KCTD1: variants seen among roughly 807,000 people sequenced by gnomAD.
The protein encoded by KCTD1 is potassium channel tetramerization domain containing 1, also known as BTB/POZ domain-containing protein KCTD1.
In KCTD1, 24 loss-of-function variants were observed where a neutral mutation model predicts 66.0. The ratio of observed to expected loss-of-function variants is 0.36; its 90% CI spans 0.26 to 0.51. KCTD1 has a LOEUF of 0.51. Among genes scored for constraint, KCTD1 ranks in the 20% least tolerant of loss-of-function variants. The pLI, the probability that KCTD1 is intolerant of heterozygous loss-of-function variation, is 0.95. For synonymous variants in KCTD1, 511 were observed against 517.2 expected, an observed-to-expected ratio of 0.99 and a Z score of 0.16; for missense variants, 943 against 1,205.2, an observed-to-expected ratio of 0.78 and a Z score of 3.22.
intron 1 of KCTD1, chr18:26,567,063 G>A (rs1598944679): frequency 6.6e-6 from 1 of 152,094 alleles, no homozygotes; most frequent in East Asian, 1.9e-4. Flanking sequence ...AAAGAAAAGG[G>A]AGTAACTCTG....
intron 1 of KCTD1, among the ~76,000 whole-genome samples, chr18:26,594,876 C>G (rs1986731132): frequency 6.6e-6 from 1 of 152,138 alleles, no homozygotes; most frequent in African/African-American, 2.4e-5. Context: ...GCTGCAACAT[C>G]AACAACTTCC....
At chr18:26,622,784 A>G (rs932347654) in intron 1 of KCTD1, among the ~76,000 whole-genome samples, 1 of 152,058 alleles carries the variant, frequency 6.6e-6, no homozygotes, top group Non-Finnish European at 1.5e-5. Context: ...GCGGAAGTGC[A>G]TACAGAGGCT....
intron 1 of KCTD1, among the ~76,000 whole-genome samples, chr18:26,624,762 G>A (rs1007405197): frequency 2.0e-5 from 3 of 152,196 alleles, no homozygotes; most frequent in Non-Finnish European, 4.4e-5. Flanking sequence ...GTGAGAAGAG[G>A]ACCACCATCC....
At chr18:26,487,009 G>A (rs990268054) in intron 2 of KCTD1, among the ~76,000 whole-genome samples, 1 of 152,090 alleles carries the variant, frequency 6.6e-6, no homozygotes, top group African/African-American at 2.4e-5. Flanking sequence ...ATACATTTTG[G>A]ACACCTAACA....
At chr18:26,629,653 G>C (rs1987574731), upstream of KCTD1, among the ~76,000 whole-genome samples, 1 of 151,994 alleles carries the variant, frequency 6.6e-6, no homozygotes, top group East Asian at 1.9e-4. Context: ...AGTGTTGTGA[G>C]ATCAGCATTC....
intron 1 of KCTD1, among the ~76,000 whole-genome samples, chr18:26,651,801 A>G (rs1268205157): frequency 3.7e-5 from 2 of 54,352 alleles, no homozygotes; most frequent in East Asian, 9.7e-4. Context: ...AAAAAAAAAA[A>G]GAAGAAGAAG....
At chr18:26,603,756 AAATAAAT>A (rs1428224342) in intron 1 of KCTD1, among the ~76,000 whole-genome samples, 2 of 60,022 alleles carry the variant, frequency 3.3e-5, no homozygotes, top group Non-Finnish European at 4.6e-5. Flanking sequence ...AAAATAAAAT[AAATAAAT>A]AAATAAATAA....
intron 1 of KCTD1, among the ~76,000 whole-genome samples, chr18:26,568,404 T>C (rs1567996437): frequency 6.6e-6 from 1 of 151,632 alleles, no homozygotes; most frequent in Non-Finnish European, 1.5e-5. Context: ...ACCCAGCTAA[T>C]ATTTGTATTT....
chr18:26,471,749 C>A (rs1026572398), intron 3 of KCTD1, among the ~76,000 whole-genome samples: 4 of 152,140 alleles, frequency 2.6e-5, no homozygotes, highest in Admixed American at 6.5e-5. Context: ...TTATGTCTTA[C>A]AACTGTATGC....
intron 1 of KCTD1, among the ~76,000 whole-genome samples, chr18:26,553,640 C>T (rs1027667562): frequency 6.6e-6 from 1 of 152,094 alleles, no homozygotes; most frequent in Admixed American, 6.5e-5. Flanking sequence ...CATTTTATTA[C>T]CTGGGTGATA....
Position 26,464,074 on chromosome 18 carries a change from T to C in KCTD1, c.2134-4149A>G, listed in dbSNP as rs139029487. Among the ~76,000 whole-genome samples, 607 of 152,310 alleles carry C rather than the reference T, an allele frequency of 4.0e-3. 8 individuals carry two copies. The highest frequency in any genetic ancestry group is 0.014 in the African/African-American group (573 of 41,560). On this transcript the variant is annotated intron_variant, in intron 3 of 4. Transcript: ENST00000580059. ...CCCTAGAGGGAGGAAAACGATATAT[T>C]CAGTGTATTAGGTTCCTACTGCTGC...
chr18:26,586,980 A>T (rs1986487599), intron 1 of KCTD1, among the ~76,000 whole-genome samples: 1 of 152,244 alleles, frequency 6.6e-6, no homozygotes, highest in Non-Finnish European at 1.5e-5. Context: ...GTTATCCAGA[A>T]GATCTAGCTA....
At chr18:26,652,106 C>T (rs2145081559) in intron 1 of KCTD1, among the ~76,000 whole-genome samples, 1 of 152,254 alleles carries the variant, frequency 6.6e-6, no homozygotes, top group Middle Eastern at 3.4e-3. Context: ...GGGACTGAGA[C>T]AGCAGGGGCC....
At chr18:26,532,121 C>A (rs1169433626) in intron 1 of KCTD1, among the ~76,000 whole-genome samples, 1 of 152,040 alleles carries the variant, frequency 6.6e-6, no homozygotes, top group African/African-American at 2.4e-5. Flanking sequence ...CTGAATAAGG[C>A]AGGATGTAAT....
At chr18:26,528,181 C>T (rs1188762201) in intron 1 of KCTD1, among the ~76,000 whole-genome samples, 3 of 152,138 alleles carry the variant, frequency 2.0e-5, no homozygotes. Flanking sequence ...ACTTGATCCT[C>T]AGCTTTTGTC....
chr18:26,625,689 C>T (rs1163087075), intron 1 of KCTD1, among the ~76,000 whole-genome samples: 2 of 152,166 alleles, frequency 1.3e-5, no homozygotes, highest in Non-Finnish European at 2.9e-5. Context: ...GTTGTAATGT[C>T]CTATAACATT....
In KCTD1 at chr18:26,653,886, C is replaced by T. The variant is rs138785143; in HGVS notation, c.9+3474G>A. On this transcript the variant is annotated intron_variant, in intron 1 of 4. Coordinates refer to the KCTD1 transcript ENST00000580191. ...TTTCACTTTTATTCCCAAGATAGTT[C>T]GTCCTAAAGATGGAGCAAATAAATG... Among the ~76,000 whole-genome samples, 996 of 152,232 alleles carry T rather than the reference C, an allele frequency of 6.5e-3. 11 individuals are homozygous for T. The highest frequency in any genetic ancestry group is 0.023 in the African/African-American group (952 of 41,534).
At chr18:26,595,543 G>T (rs1598958598) in intron 1 of KCTD1, among the ~76,000 whole-genome samples, 1 of 152,162 alleles carries the variant, frequency 6.6e-6, no homozygotes, top group East Asian at 1.9e-4. Flanking sequence ...TGGCAGAATG[G>T]AGGGGCTAGA....
intron 3 of KCTD1, among the ~76,000 whole-genome samples, chr18:26,473,467 C>T (rs1367467497): frequency 6.6e-6 from 1 of 151,902 alleles, no homozygotes; most frequent in Non-Finnish European, 1.5e-5. Flanking sequence ...AGGCTTAATA[C>T]CTAGGTGATA....
Sources: allele counts gnomAD v4.1 joint callset (sites outside exome capture counted in the v4.1 genomes callset), GRCh38; gene constraint gnomAD v4.1.1; transcripts MANE v1.5; gene names NCBI Gene and HGNC (gene_info 2026-07-23, HGNC 2026-07-21).